MRPL58: variants seen among roughly 807,000 people sequenced by gnomAD.
MRPL58 encodes large ribosomal subunit protein mL62.
A neutral mutation model predicts 26.0 loss-of-function variants in MRPL58; 17 were observed. The ratio of observed to expected loss-of-function variants is 0.65; its 90% CI spans 0.45 to 0.98. The LOEUF (loss-of-function observed/expected upper bound fraction) is 0.98. Ranked by LOEUF, MRPL58 falls within the 50% of genes least tolerant of loss-of-function variation. MRPL58 has a pLI of 0.00. For synonymous variants in MRPL58, 100 were observed against 99.7 expected, an observed-to-expected ratio of 1.00 and a Z score of -0.02; for missense variants, 250 against 269.0, an observed-to-expected ratio of 0.93 and a Z score of 0.49.
intron 2 of MRPL58, 133 bp from the exon 3 acceptor site, chr17:75,019,567 G>C: frequency 1.3e-6 from 1 of 786,816 alleles, no homozygotes. Context: ...ACAGTTCCTT[G>C]CCACCCAAAC....
chr17:75,020,935 A>G lies in MRPL58; in HGVS notation c.551A>G (p.Asn184Ser), dbSNP rs181264326. 8 of 1,613,778 alleles carry G rather than the reference A, an allele frequency of 5.0e-6. No homozygotes were observed. The East Asian group carries it at 1.8e-4, about 36-fold the overall frequency. Residue 184 changes from asparagine to serine, a missense_variant, in exon 6 of 6, where the codon AAT (asparagine) becomes AGT (serine). Transcript: ENST00000301585. The stretch of plus-strand genomic sequence containing the variant: ...TTTGTTTTCAGGATAGAAAACATGA[A>G]TCGGGAAAGGCTGAGACAAAAGAGA... The part of the protein sequence containing the change: ...KLHRIRIENM[N>S]RERLRQKRIH...
At position 75,014,352 on chromosome 17, in the gene MRPL58, A is replaced by ATTT. The variant is rs35954769; in HGVS notation, c.186+1498_186+1500dup. Among the ~76,000 whole-genome samples, 244 of 113,296 alleles carry ATTT rather than the reference A, an allele frequency of 2.2e-3. 2 individuals are homozygous for ATTT. The highest frequency in any genetic ancestry group is 8.2e-3 in the African/African-American group (229 of 27,786). The allele number at this position is 113,296 out of a possible 152,430, so 74.3% of individuals were successfully genotyped here. A position where few individuals can be genotyped will look rare whatever the true frequency, so the allele number is the denominator to read the frequency against. On this transcript the variant is annotated intron_variant, in intron 1 of 5. Coordinates refer to ENST00000301585, the MANE Select transcript of MRPL58 (RefSeq NM_001545.3). ...AGGCGCCCACCACTACAACCGGCTA[A>ATTT]TTTTTTTTTTTTTTTTTTTTAGTAG...
rs1471815160 is a variant in MRPL58 at position 75,020,499 on chromosome 17, G to C, written c.378G>C (p.Lys126Asn). 1.2e-6 allele frequency: 2 copies of C among 1,614,088 alleles called. No individual in the cohort carries two copies. The highest frequency in any genetic ancestry group is 1.7e-6 in the Non-Finnish European group (2 of 1,179,960). ...TTTGTTCTCTGCAGCATAAAAACAA[G>C]ATCAACAGGTTAGGAGAGTTGATCC... Reference protein sequence around the residue: ...RQKIAITHKNKINRLGELILT... With the variant: ...RQKIAITHKNNINRLGELILT... Residue 126 changes from lysine to asparagine, a missense_variant, in exon 5 of 6, where the codon AAG becomes AAC. Transcript: ENST00000301585.
At chr17:75,017,344 G>A (rs751995045) in intron 2 of MRPL58, among the ~76,000 whole-genome samples, 7 of 152,088 alleles carry the variant, frequency 4.6e-5, no homozygotes, top group Admixed American at 4.6e-4. Context: ...CGGGCATGGT[G>A]TCTCATACCT....
chr17:75,015,198 A>G (rs2039964183), intron 1 of MRPL58, among the ~76,000 whole-genome samples: 1 of 152,102 alleles, frequency 6.6e-6, no homozygotes, highest in Non-Finnish European at 1.5e-5. Flanking sequence ...AAAACAGGCT[A>G]TTTTCTGGCC....
chr17:75,013,405 G>C (rs371497562), intron 1 of MRPL58, among the ~76,000 whole-genome samples: 16 of 152,110 alleles, frequency 1.1e-4, no homozygotes, highest in African/African-American at 3.6e-4. Flanking sequence ...TACAGGACTG[G>C]AAAAGAATAT....
intron 1 of MRPL58, among the ~76,000 whole-genome samples, 191 bp from the exon 2 acceptor site, chr17:75,016,887 G>GT (rs911661478): frequency 2.0e-5 from 3 of 152,222 alleles, no homozygotes; most frequent in Non-Finnish European, 2.9e-5. Flanking sequence ...GTAGAGGAGT[G>GT]TTTCTGAGGT....
chr17:75,014,845 T>G (rs962409456), intron 1 of MRPL58, among the ~76,000 whole-genome samples: 1 of 152,218 alleles, frequency 6.6e-6, no homozygotes, highest in Non-Finnish European at 1.5e-5. Flanking sequence ...ATAAAATGTT[T>G]ATTGTATATC....
chr17:75,014,441 C>CTTTTT (rs35929744), intron 1 of MRPL58, among the ~76,000 whole-genome samples: 3 of 76,232 alleles, frequency 3.9e-5, no homozygotes, highest in South Asian at 4.3e-4. Flanking sequence ...CCGCGCCAGG[C>CTTTTT]TTTTTTTTTT....
intron 1 of MRPL58, among the ~76,000 whole-genome samples, chr17:75,015,534 C>T (rs2039966781): frequency 6.6e-6 from 1 of 151,992 alleles, no homozygotes; most frequent in African/African-American, 2.4e-5. Flanking sequence ...ATGAAGTATT[C>T]TAGAGAAAGA....
At chr17:75,020,744 G>A in intron 5 of MRPL58, 87 bp downstream of exon 5, 1 of 1,439,632 alleles carries the variant, frequency 6.9e-7, no homozygotes, top group Non-Finnish European at 9.7e-7. Flanking sequence ...GAGAGTCCAA[G>A]GCCGGCCTTG....
chr17:75,017,354 T>C (rs535904677), intron 2 of MRPL58, among the ~76,000 whole-genome samples: 1 of 152,092 alleles, frequency 6.6e-6, no homozygotes, highest in Non-Finnish European at 1.5e-5. Context: ...GTCTCATACC[T>C]GTAATCCCAA....
chr17:75,014,605 G>A (rs1441470577), intron 1 of MRPL58, among the ~76,000 whole-genome samples: 9 of 151,666 alleles, frequency 5.9e-5, no homozygotes, highest in Non-Finnish European at 8.8e-5. Flanking sequence ...CACCATGCCC[G>A]ACTCATATTT....
At chr17:75,017,927 C>T (rs951785550) in intron 2 of MRPL58, among the ~76,000 whole-genome samples, 34 of 88,562 alleles carry the variant, frequency 3.8e-4, no homozygotes, top group African/African-American at 2.0e-3. Context: ...CTGTCTCAGA[C>T]GAAAAAAAAA....
In MRPL58 at chr17:75,020,362, C is replaced by T. The variant is rs1372821004; in HGVS notation, c.333C>T (p.Ile111=). The change falls in exon 4 of 6, where the codon ATC becomes ATT. Residue 111 remains isoleucine (I), a synonymous_variant. Coordinates refer to ENST00000301585, the MANE Select transcript of MRPL58 (RefSeq NM_001545.3). ...VRFHLATAEW[I]AEPVRQKIAI... ...TCCATTTGGCAACTGCCGAGTGGAT[C>T]GCGGAGCCCGTGCGGCAGAAGATAG... 11 of 1,614,036 alleles carry T rather than the reference C, an allele frequency of 6.8e-6. No individual in the cohort carries two copies. Among genetic ancestry groups the T allele is most frequent in the Admixed American group, 1.7e-5 (1 of 59,998 alleles).
intron 1 of MRPL58, among the ~76,000 whole-genome samples, chr17:75,015,501 A>G (rs1178389673): frequency 1.3e-5 from 2 of 152,174 alleles, no homozygotes; most frequent in African/African-American, 4.8e-5. Context: ...AAAACGAAAA[A>G]CTGGCTATTT....
chr17:75,013,846 G>A (rs1238044416), intron 1 of MRPL58, among the ~76,000 whole-genome samples: 2 of 152,206 alleles, frequency 1.3e-5, no homozygotes, highest in Non-Finnish European at 2.9e-5. Flanking sequence ...GAGAGGGATG[G>A]CTGGGGAAAG....
chr17:75,018,085 C>T (rs1169668971), intron 2 of MRPL58, among the ~76,000 whole-genome samples: 1 of 152,092 alleles, frequency 6.6e-6, no homozygotes, highest in African/African-American at 2.4e-5. Context: ...CCAGTCGCAT[C>T]GTACTGTGCC....
intron 1 of MRPL58, 82 bp from the exon 2 acceptor site, chr17:75,016,996 C>A: frequency 2.0e-6 from 2 of 992,962 alleles, no homozygotes; most frequent in Non-Finnish European, 3.3e-6. Flanking sequence ...TGTGGCTTTA[C>A]ATCATTTCTT....
Sources: allele counts gnomAD v4.1 joint callset (sites outside exome capture counted in the v4.1 genomes callset), GRCh38; gene constraint gnomAD v4.1.1; transcripts MANE v1.5; gene names NCBI Gene and HGNC (gene_info 2026-07-23, HGNC 2026-07-21).